Variants in PGM1 observed in about 807,000 individuals in gnomAD.
The protein encoded by PGM1 is phosphoglucomutase-1.
In PGM1, 52 loss-of-function variants were observed where a neutral mutation model predicts 55.6. That is an observed-to-expected ratio of 0.94 (90% CI 0.75 to 1.18). PGM1 has a LOEUF of 1.18. PGM1 is among the 50% of genes most tolerant of loss of function. PGM1 has a pLI of 0.00. For missense variants in PGM1, 724 were observed against 729.3 expected (o/e 0.99, Z 0.08); for synonymous variants, 287 against 271.7 (o/e 1.06, Z -0.55).
At position 63,634,880 on chromosome 1, in the gene PGM1, C is replaced by T. The variant is rs929270819; in HGVS notation, c.734C>T (p.Ala245Val). The T allele has an allele frequency of 4.4e-5, 70 of 1,584,602 alleles. No homozygotes were observed. The Admixed American group carries it at 1.0e-3, about 24-fold the overall frequency. ...CTCTGTGAAGAACTCGGTGCCCCTG[C>T]GAACTCGGCAGTTAACTGCGTTCCT... ...KILCEELGAP[A>V]NSAVNCVPLE... The change falls in exon 5 of 11, where the codon GCG becomes GTG. Residue 245 changes from alanine to valine, a missense_variant. This residue lies in a region of PGM1 where 379 missense variants were observed against 357.5 expected (regional missense o/e 1.06). Coordinates refer to ENST00000371084, the MANE Select transcript of PGM1 (RefSeq NM_002633.3).
chr1:63,640,571 G>A (rs918943913), intron 7 of PGM1, among the ~76,000 whole-genome samples: 4 of 152,186 alleles, frequency 2.6e-5, no homozygotes, highest in African/African-American at 7.2e-5. Flanking sequence ...TTCGTAGTAT[G>A]TACAGTAACT....
chr1:63,602,690 T>C (rs1648278413), intron 1 of PGM1, among the ~76,000 whole-genome samples: 1 of 152,106 alleles, frequency 6.6e-6, no homozygotes, highest in Non-Finnish European at 1.5e-5. Flanking sequence ...CATGGTGTCA[T>C]AGCCATTTGG....
At chr1:63,659,165 A>G (rs1248763036) in intron 10 of PGM1, among the ~76,000 whole-genome samples, 1 of 152,224 alleles carries the variant, frequency 6.6e-6, no homozygotes, top group Non-Finnish European at 1.5e-5. Context: ...CAGTGTGGGA[A>G]AGAAATTGGA....
chr1:63,623,555 A>G, intron 1 of PGM1: 2 of 1,612,836 alleles, frequency 1.2e-6, no homozygotes, highest in African/African-American at 2.7e-5. Context: ...CCCTACCACG[A>G]TCAGAAACCA....
In PGM1 at chr1:63,593,443, C is replaced by A; in HGVS notation, c.-46C>A. Reference sequence around the variant, plus strand: ...CTGCAGCCTCAGCCGGCCGCCCCTCCGCCAGCCAAGTCCGCCGCTCTGACC... The same window carrying A: ...CTGCAGCCTCAGCCGGCCGCCCCTCAGCCAGCCAAGTCCGCCGCTCTGACC... On this transcript the variant is annotated 5_prime_UTR_variant, in exon 1 of 11. Transcript: ENST00000371084. 2 of 1,611,662 alleles carry A rather than the reference C, an allele frequency of 1.2e-6. No homozygotes were observed. The highest frequency in any genetic ancestry group is 1.7e-6 in the Non-Finnish European group (2 of 1,179,298).
In PGM1 at chr1:63,615,953, G is replaced by A. The variant is rs553098272; in HGVS notation, c.247-13472G>A. On this transcript the variant is annotated intron_variant, in intron 1 of 10. Transcript: ENST00000371084. ...GTGCAAGGCTGCTCTGGGCAGAGGT[G>A]AGTGAAGCACTGCCCCTTACGAGGC... 1.6e-4 allele frequency among the ~76,000 whole-genome samples: 25 copies of A among 152,200 alleles called. No individual in the cohort carries two copies. The South Asian group carries it at 5.0e-3, about 30-fold the overall frequency.
rs757150028 is a variant in PGM1 at position 63,651,784 on chromosome 1, T to G, written c.1396T>G (p.Tyr466Asp). The stretch of plus-strand genomic sequence containing the variant: ...GCAGTTCTCAGCAAATGACAAAGTT[T>G]ACACTGTGGAGAAGGCCGATAACTT... ...GKQFSANDKVYTVEKADNFEY... is the reference protein window; with the variant it reads ...GKQFSANDKVDTVEKADNFEY... Residue 466 changes from tyrosine to aspartate, a missense_variant, in exon 9 of 11, where the codon TAC (tyrosine) becomes GAC (aspartate). Physicochemically the swap from Tyr to Asp is radical, Grantham distance 160 (BLOSUM62 -3). Transcript: ENST00000371084. The G allele has an allele frequency of 6.2e-7, 1 of 1,613,992 alleles. No individual in the cohort carries two copies. Among genetic ancestry groups the G allele is most frequent in the Non-Finnish European group, 8.5e-7 (1 of 1,179,908 alleles).
In PGM1 at chr1:63,638,771, C is replaced by G; in HGVS notation, c.1115C>G (p.Ser372Cys). The change falls in exon 7 of 11, where the codon TCC becomes TGC. Residue 372 changes from serine (S) to cysteine (C), a missense_variant. By Grantham distance (112) the Ser-to-Cys change is moderately radical. Coordinates refer to ENST00000371084, the MANE Select transcript of PGM1 (RefSeq NM_002633.3). ...AATTTGATGGACGCGAGCAAACTGT[C>G]CCTTTGTGGGGAGGAGAGCTTCGGG... ...FGNLMDASKL[S>C]LCGEESFGTG... The G allele has an allele frequency of 6.2e-7, 1 of 1,613,988 alleles. No individual in the cohort carries two copies. The highest frequency in any genetic ancestry group is 8.5e-7 in the Non-Finnish European group (1 of 1,179,872).
chr1:63,595,265 G>A (rs1447259572), intron 1 of PGM1, among the ~76,000 whole-genome samples: 2 of 152,156 alleles, frequency 1.3e-5, no homozygotes, highest in African/African-American at 4.8e-5. Context: ...ATGCTATTAT[G>A]GGTATCTTCA....
chr1:63,644,055 C>G (rs1455014721), intron 7 of PGM1, among the ~76,000 whole-genome samples: 2 of 152,228 alleles, frequency 1.3e-5, no homozygotes, highest in Non-Finnish European at 2.9e-5. Context: ...GAAGCCAGGA[C>G]AGCTCCTGAG....
chr1:63,660,032 A>G lies in PGM1; in HGVS notation c.*357A>G, dbSNP rs886046484. 1.2e-5 allele frequency: 4 copies of G among 333,254 alleles called. No homozygotes were observed. The highest frequency in any genetic ancestry group is 2.3e-5 in the Non-Finnish European group (4 of 173,806). The allele number at this position is 333,254 out of a possible 1,614,324, so 20.6% of individuals were successfully genotyped here. A position where few individuals can be genotyped will look rare whatever the true frequency, so the allele number is the denominator to read the frequency against. On this transcript the variant is annotated 3_prime_UTR_variant, in exon 11 of 11. Transcript: ENST00000371084. ...CATTCTTCATCCTTAGGATGTGGCAATGAAATGATGGTGCAAGTTCCTTTC... is the reference window on the plus strand; with the variant it reads ...CATTCTTCATCCTTAGGATGTGGCAGTGAAATGATGGTGCAAGTTCCTTTC...
chr1:63,658,190 A>G (rs1006955974), intron 10 of PGM1, among the ~76,000 whole-genome samples: 3 of 152,192 alleles, frequency 2.0e-5, no homozygotes, highest in African/African-American at 7.2e-5. Flanking sequence ...TCCAGGTATA[A>G]TGGATCGGTG....
chr1:63,658,348 T>TG (rs1352370146), intron 10 of PGM1, among the ~76,000 whole-genome samples: 2 of 147,026 alleles, frequency 1.4e-5, no homozygotes, highest in Admixed American at 6.6e-5. Context: ...ATTAGTAGTT[T>TG]TTTTTTTTTT....
At chr1:63,631,011 C>T (rs1340939137) in intron 3 of PGM1, among the ~76,000 whole-genome samples, 5 of 152,100 alleles carry the variant, frequency 3.3e-5, no homozygotes, top group Non-Finnish European at 7.4e-5. Flanking sequence ...TTCTTAAATT[C>T]TTCATATTTT....
In PGM1 at chr1:63,605,328, C is replaced by G. The variant is rs148040964; in HGVS notation, c.246+11594C>G. 4.0e-3 allele frequency among the ~76,000 whole-genome samples: 603 copies of G among 152,270 alleles called. 3 individuals are homozygous for G. Among genetic ancestry groups the G allele is most frequent in the African/African-American group, 0.014 (579 of 41,534 alleles). On this transcript the variant is annotated intron_variant, in intron 1 of 10. Coordinates refer to ENST00000371084, the MANE Select transcript of PGM1 (RefSeq NM_002633.3). Reference sequence around the variant, plus strand: ...CAAATTTAGTAGTCTTCTGGCCTATCCTGATCAGTTCCATGTGCTGGTAAT... The same window carrying G: ...CAAATTTAGTAGTCTTCTGGCCTATGCTGATCAGTTCCATGTGCTGGTAAT...
chr1:63,640,839 T>C (rs185955131), intron 7 of PGM1, among the ~76,000 whole-genome samples: 2 of 152,294 alleles, frequency 1.3e-5, no homozygotes, highest in East Asian at 3.9e-4. Flanking sequence ...TCTAGGTGCT[T>C]CTGAGTTTGC....
At chr1:63,627,057 C>T (rs1051384960) in intron 1 of PGM1, among the ~76,000 whole-genome samples, 1 of 119,708 alleles carries the variant, frequency 8.4e-6, no homozygotes, top group South Asian at 3.5e-4. Flanking sequence ...GGCAGGACCC[C>T]CCCCCCCCCA....
chr1:63,641,756 G>T (rs1649523923), intron 7 of PGM1, among the ~76,000 whole-genome samples: 1 of 152,132 alleles, frequency 6.6e-6, no homozygotes, highest in African/African-American at 2.4e-5. Flanking sequence ...TCTGTTGGCT[G>T]TATATGCCAT....
chr1:63,600,407 T>C (rs855323), intron 1 of PGM1, among the ~76,000 whole-genome samples: 57,101 of 152,076 alleles, frequency 0.38, 10,934 homozygotes, highest in East Asian at 0.48. Context: ...AAGAGTGCTC[T>C]ACTGTTTTGG....
Sources: gnomAD v4.1 joint callset for allele counts (sites outside exome capture counted in the v4.1 genomes callset) on GRCh38, gnomAD v4.1.1 for gene constraint, gnomAD v4.1.1 regional missense constraint, MANE v1.5 for transcripts, NCBI Gene and HGNC (gene_info 2026-07-23, HGNC 2026-07-21) for gene names.